Variants in SLC25A40 observed in about 807,000 individuals in gnomAD.
The protein encoded by SLC25A40 is mitochondrial glutathione transporter SLC25A40.
Under a neutral mutation model 46.5 loss-of-function variants are expected in SLC25A40, and 41 were observed. The observed-to-expected ratio is 0.88, with a 90% CI of 0.69 to 1.14. The LOEUF (loss-of-function observed/expected upper bound fraction) is 1.14, where lower values mean the gene tolerates loss of function less well. Among genes scored for constraint, SLC25A40 ranks in the 50% most tolerant of loss-of-function variants. The pLI is 0.00. For synonymous variants in SLC25A40, 126 were observed against 127.5 expected (o/e 0.99, Z 0.08); for missense variants, 386 against 393.6 (o/e 0.98, Z 0.16).
chr7:87,846,335 AG>A (rs1838419675), intron 8 of SLC25A40, among the ~76,000 whole-genome samples: 6 of 152,202 alleles, frequency 3.9e-5, no homozygotes, highest in Non-Finnish European at 8.8e-5. Context: ...GTTTCTCTCT[AG>A]ATAAGTATTT....
At chr7:87,846,767 A>C (rs1179793442) in intron 8 of SLC25A40, among the ~76,000 whole-genome samples, 182 bp downstream of exon 8, 1 of 152,214 alleles carries the variant, frequency 6.6e-6, no homozygotes, top group East Asian at 1.9e-4. Flanking sequence ...AGCTTGAATA[A>C]AAACTATTCA....
intron 5 of SLC25A40, among the ~76,000 whole-genome samples, chr7:87,851,168 A>G (rs963362318): frequency 6.6e-6 from 1 of 151,970 alleles, no homozygotes; most frequent in Non-Finnish European, 1.5e-5. Context: ...TCCAAAAAGT[A>G]GAAACAACCC....
intron 7 of SLC25A40, among the ~76,000 whole-genome samples, 156 bp downstream of exon 7, chr7:87,847,697 T>C (rs1838442295): frequency 6.6e-6 from 1 of 152,224 alleles, no homozygotes; most frequent in Non-Finnish European, 1.5e-5. Context: ...ATATGACTTC[T>C]GGAGTACCTA....
At chr7:87,869,261 C>A (rs981495995) in intron 1 of SLC25A40, among the ~76,000 whole-genome samples, 1 of 152,124 alleles carries the variant, frequency 6.6e-6, no homozygotes, top group Non-Finnish European at 1.5e-5. Flanking sequence ...TGTGGTGGCT[C>A]ATGCCTGTAT....
intron 5 of SLC25A40, among the ~76,000 whole-genome samples, chr7:87,853,337 T>G (rs565877008): frequency 6.6e-6 from 1 of 152,212 alleles, no homozygotes; most frequent in African/African-American, 2.4e-5. Flanking sequence ...AAAACACTAG[T>G]GAAGATGTGG....
At chr7:87,848,368 C>G (rs1382759975) in intron 6 of SLC25A40, among the ~76,000 whole-genome samples, 1 of 151,744 alleles carries the variant, frequency 6.6e-6, no homozygotes, top group Non-Finnish European at 1.5e-5. Context: ...CCACTGCACT[C>G]CAGCCTATTT....
At position 87,847,953 on chromosome 7, in the gene SLC25A40, A is replaced by T; in HGVS notation, c.357T>A (p.Val119=). The change falls in exon 7 of 12, where the codon GTT becomes GTA. Residue 119 remains valine, a synonymous_variant. Transcript: ENST00000341119. The part of the protein sequence containing the change: ...PTLVMAVPAT[V]IYFTCYDQLS... ...ATTGATCATAGCAGGTAAAATAAAT[A>T]ACTGTGGCAGGAACTGCCATCACTC... is the stretch of plus-strand genomic sequence containing the variant. 6.2e-7 allele frequency: 1 copy of T among 1,607,566 alleles called. No individual in the cohort carries two copies. The highest frequency in any genetic ancestry group is 8.5e-7 in the Non-Finnish European group (1 of 1,177,892).
At position 87,843,821 on chromosome 7, in the gene SLC25A40, C is replaced by CGTTAT. The variant is rs781506396; in HGVS notation, c.673_674insATAAC (p.Cys225TyrfsTer14). ...TGGCTCATATAAACCAGATTTCTCA[C>CGTTAT]ATAACCACTTCTTTAAAATTTCATA... On this transcript the variant is annotated frameshift_variant, in exon 9 of 12. Coordinates refer to ENST00000341119, the MANE Select transcript of SLC25A40 (RefSeq NM_018843.4). LOFTEE classifies it high-confidence loss of function. 6.2e-7 allele frequency: 1 copy of CGTTAT among 1,610,934 alleles called. No individual in the cohort carries two copies. Among genetic ancestry groups the CGTTAT allele is most frequent in the Admixed American group, 1.7e-5 (1 of 59,846 alleles).
At chr7:87,860,012 A>G (rs2131014167) in intron 2 of SLC25A40, 1 of 152,348 alleles carries the variant, frequency 6.6e-6, no homozygotes, top group South Asian at 2.1e-4. Context: ...CCTGGCCAAC[A>G]TGGTGAAATC....
intron 1 of SLC25A40, among the ~76,000 whole-genome samples, chr7:87,865,545 CG>C (rs1584337290): frequency 6.6e-6 from 1 of 152,036 alleles, no homozygotes; most frequent in African/African-American, 2.4e-5. Context: ...CCAAGGCAGG[CG>C]GATCACTTAA....
At chr7:87,848,056 AT>A (rs1363019717) in intron 6 of SLC25A40, 79 bp from the exon 7 acceptor site, 2 of 1,457,958 alleles carry the variant, frequency 1.4e-6, no homozygotes, top group African/African-American at 2.9e-5. Context: ...AAATATTATT[AT>A]ATAAGCTAAA....
In SLC25A40 at chr7:87,835,065, G is replaced by C. The variant is rs147636544; in HGVS notation, c.*1184C>G. On this transcript the variant is annotated 3_prime_UTR_variant, in exon 12 of 12. Transcript: ENST00000341119. Reference sequence around the variant, plus strand: ...ATGCTTCACATTTTTCTAAAATAAAGACTGCAATAAATTAGTGCTTTAAAA... The same window carrying C: ...ATGCTTCACATTTTTCTAAAATAAACACTGCAATAAATTAGTGCTTTAAAA... 44 of 151,330 alleles carry C rather than the reference G, an allele frequency of 2.9e-4. No homozygotes were observed. Among genetic ancestry groups the C allele is most frequent in the Admixed American group, 3.3e-4 (5 of 15,142 alleles). The allele number at this position is 151,330 out of a possible 1,614,324, so 9.4% of individuals were successfully genotyped here. A position where few individuals can be genotyped will look rare whatever the true frequency, so the allele number is the denominator to read the frequency against.
intron 1 of SLC25A40, among the ~76,000 whole-genome samples, chr7:87,864,629 C>G (rs1838760343): frequency 1.3e-5 from 2 of 152,154 alleles, no homozygotes; most frequent in Admixed American, 1.3e-4. Context: ...ATAGCTAGTC[C>G]AGATCCTTTT....
chr7:87,849,928 A>G lies in SLC25A40; in HGVS notation c.285T>C (p.Ile95=), dbSNP rs1266365938. ...QGTLDAFFKI[I]RNEGIKSLWS... ...ATAGAGATTTAATGCCCTCATTTCG[A>G]ATGATTTTAAAAAATGCATCCTAAA... The change falls in exon 6 of 12, where the codon ATT becomes ATC. Residue 95 remains isoleucine, a synonymous_variant. Coordinates refer to ENST00000341119, the MANE Select transcript of SLC25A40 (RefSeq NM_018843.4). The G allele has an allele frequency of 1.1e-5, 17 of 1,600,138 alleles. No homozygotes were observed. The highest frequency in any genetic ancestry group is 1.4e-5 in the Non-Finnish European group (16 of 1,174,160).
intron 1 of SLC25A40, among the ~76,000 whole-genome samples, 157 bp downstream of exon 1, chr7:87,875,939 G>A (rs1042030293): frequency 5.3e-5 from 8 of 152,196 alleles, no homozygotes; most frequent in Non-Finnish European, 1.2e-4. Flanking sequence ...CGCTTGCTGT[G>A]CGACCCAGGG....
chr7:87,842,598 T>C (rs1175806960), intron 9 of SLC25A40, among the ~76,000 whole-genome samples: 1 of 152,076 alleles, frequency 6.6e-6, no homozygotes, highest in Non-Finnish European at 1.5e-5. Flanking sequence ...TTCTCCATCT[T>C]CATTATCTAT....
chr7:87,845,223 T>C (rs1392589814), intron 8 of SLC25A40, among the ~76,000 whole-genome samples: 1 of 152,042 alleles, frequency 6.6e-6, no homozygotes, highest in Non-Finnish European at 1.5e-5. Flanking sequence ...GAAAATGTTA[T>C]ATGACAGAGA....
intron 1 of SLC25A40, 107 bp downstream of exon 1, chr7:87,875,989 T>C (rs1401500293): frequency 3.3e-5 from 5 of 152,222 alleles, no homozygotes; most frequent in African/African-American, 1.2e-4. Context: ...GCTGTCCGGC[T>C]CCGGTTCCGG....
chr7:87,870,163 TAA>T (rs1838873772), intron 1 of SLC25A40, among the ~76,000 whole-genome samples: 1 of 151,668 alleles, frequency 6.6e-6, no homozygotes, highest in Non-Finnish European at 1.5e-5. Flanking sequence ...TATTGAGTTA[TAA>T]TAATTCTTCA....
Sources: gnomAD v4.1 joint callset for allele counts (sites outside exome capture counted in the v4.1 genomes callset) on GRCh38, gnomAD v4.1.1 for gene constraint, MANE v1.5 for transcripts, NCBI Gene and HGNC (gene_info 2026-07-23, HGNC 2026-07-21) for gene names.